Variants in EBF3 observed in about 807,000 individuals in gnomAD.
EBF3 encodes EBF transcription factor 3, also known as transcription factor COE3.
In EBF3, 18 loss-of-function variants were observed where a neutral mutation model predicts 77.1. The observed-to-expected ratio is 0.23, with a 90% CI of 0.16 to 0.35. The LOEUF (loss-of-function observed/expected upper bound fraction) is 0.35, where lower values mean the gene tolerates loss of function less well. Among genes scored for constraint, EBF3 ranks in the 10% least tolerant of loss-of-function variants. The probability of loss-of-function intolerance (pLI) is 1.00; values close to 1 mark genes in which losing one functional copy is unlikely to be tolerated. For synonymous variants in EBF3, 350 were observed against 343.5 expected, an observed-to-expected ratio of 1.02 and a Z score of -0.21; for missense variants, 558 against 860.0, an observed-to-expected ratio of 0.65 and a Z score of 4.39.
intron 7 of EBF3, among the ~76,000 whole-genome samples, chr10:129,876,900 C>A (rs74162519): frequency 0.17 from 16,593 of 99,228 alleles, 1,579 homozygotes; most frequent in African/African-American, 0.19. Context: ...CCCCCCCCCC[C>A]CACCCAGCTA....
chr10:129,938,929 A>C lies in EBF3; in HGVS notation c.554+18329T>G, dbSNP rs1327989580. Among the ~76,000 whole-genome samples the C allele has an allele frequency of 1.3e-5, 2 of 152,240 alleles. No homozygotes were observed. Among genetic ancestry groups the C allele is most frequent in the African/African-American group, 4.8e-5 (2 of 41,472 alleles). ...CCAGTTGGCATCTGATGACTCAATT[A>C]TCCCAACTCCATCCTTTAAACAGCT... is the stretch of plus-strand genomic sequence containing the variant. On this transcript the variant is annotated intron_variant, in intron 6 of 16. Transcript: ENST00000440978. This position sits in a 1 kb window ranked among gnomAD's most constrained non-coding sequence, Gnocchi z 5.1.
At position 129,841,042 on chromosome 10, in the gene EBF3, T is replaced by TCCG. The variant is rs71481016; in HGVS notation, c.1373-11_1373-10insCGG. 6.4e-5 allele frequency: 96 copies of TCCG among 1,510,192 alleles called. 2 individuals are homozygous for TCCG. Among genetic ancestry groups the TCCG allele is most frequent in the Admixed American group, 1.2e-4 (6 of 50,550 alleles). The allele number at this position is 1,510,192 out of a possible 1,614,324, so 93.5% of individuals were successfully genotyped here. A position where few individuals can be genotyped will look rare whatever the true frequency, so the allele number is the denominator to read the frequency against. On this transcript the variant is annotated splice_polypyrimidine_tract_variant and intron_variant, in intron 13 of 16. Transcript: ENST00000440978. The surrounding 1 kb of genome is among the most constrained non-coding windows in gnomAD (Gnocchi z 4.6). ...TTGCGACTGTAGCCGACTGTTGAAA[T>TCCG]CCCCCCCCCGGCCAAAAATAACATT...
rs139670080 is a variant in EBF3, at chr10:129,873,761, G to A, written c.637-165C>T. ...TTCACAGCTTTTTTGGCTAATGGGG[G>A]TGGGTGGGTTGTTTTGTTTGTTTTG... On this transcript the variant is annotated intron_variant, in intron 7 of 16. Coordinates refer to ENST00000440978, the MANE Select transcript of EBF3 (RefSeq NM_001375380.1). Among the ~76,000 whole-genome samples, 93 of 152,388 alleles carry A rather than the reference G, an allele frequency of 6.1e-4. 1 individual carries two copies. In the East Asian group the frequency reaches 0.015, roughly 24 times the overall value.
chr10:129,843,690 G>A (rs1163173534), intron 11 of EBF3, among the ~76,000 whole-genome samples: 6 of 152,122 alleles, frequency 3.9e-5, no homozygotes, highest in African/African-American at 9.7e-5. Flanking sequence ...CCTAATTCAC[G>A]CCCCAAATTT....
intron 6 of EBF3, among the ~76,000 whole-genome samples, chr10:129,878,466 C>T (rs1174110555): frequency 6.6e-6 from 1 of 151,798 alleles, no homozygotes; most frequent in Non-Finnish European, 1.5e-5. Flanking sequence ...GTCAGGAGTT[C>T]GAGACAAGCC....
chr10:129,933,295 A>G (rs1168000427), intron 6 of EBF3, among the ~76,000 whole-genome samples: 1 of 152,216 alleles, frequency 6.6e-6, no homozygotes. Context: ...GCTTTGAATA[A>G]TAACTGCTGC....
intron 7 of EBF3, 117 bp from the exon 8 acceptor site, chr10:129,873,713 T>C: frequency 8.9e-7 from 1 of 1,129,288 alleles, no homozygotes; most frequent in Non-Finnish European, 1.2e-6. Context: ...CACGTGTTCC[T>C]GGACACTGTT....
intron 7 of EBF3, 51 bp from the exon 8 acceptor site, chr10:129,873,647 C>A: frequency 1.4e-6 from 2 of 1,443,530 alleles, no homozygotes; most frequent in South Asian, 1.5e-5. Flanking sequence ...AAAAGCAGAG[C>A]CCCCTGTTAG....
chr10:129,942,620 G>A (rs561754983), intron 6 of EBF3, among the ~76,000 whole-genome samples: 5 of 152,260 alleles, frequency 3.3e-5, no homozygotes, highest in East Asian at 1.9e-4. Context: ...GGACTACCAC[G>A]TCCACACAGG....
In EBF3 at chr10:129,963,261, G is replaced by A. The variant is rs988424811; in HGVS notation, c.291+106C>T. ...CGTGGCGGCGGCGGGGTGGCCTGGCGGAGCCGAGCCCGCCGCCTAGGGGGG... is the reference window on the plus strand; with the variant it reads ...CGTGGCGGCGGCGGGGTGGCCTGGCAGAGCCGAGCCCGCCGCCTAGGGGGG... On this transcript the variant is annotated intron_variant, in intron 2 of 16. Transcript: ENST00000440978. The surrounding 1 kb of genome is among the most constrained non-coding windows in gnomAD (Gnocchi z 7.1). The A allele has an allele frequency of 3.4e-6, 5 of 1,464,014 alleles. No individual in the cohort carries two copies. The highest frequency in any genetic ancestry group is 5.5e-5 in the Admixed American group (2 of 36,060). The allele number at this position is 1,464,014 out of a possible 1,614,324, so 90.7% of individuals were successfully genotyped here.
intron 11 of EBF3, among the ~76,000 whole-genome samples, chr10:129,846,758 G>A (rs111998570): frequency 2.6e-5 from 4 of 152,128 alleles, no homozygotes; most frequent in Non-Finnish European, 4.4e-5. Flanking sequence ...ATTTCATCTC[G>A]TTCAGTGATC....
intron 6 of EBF3, among the ~76,000 whole-genome samples, chr10:129,955,507 C>A (rs1385370191): frequency 6.6e-6 from 1 of 152,172 alleles, no homozygotes; most frequent in South Asian, 2.1e-4. Flanking sequence ...AATCTTAGCA[C>A]ATATTTTAAT....
At chr10:129,840,204 A>C in intron 15 of EBF3, 41 bp downstream of exon 15, 7 of 775,660 alleles carry the variant, frequency 9.0e-6, no homozygotes, top group Non-Finnish European at 1.0e-5. Context: ...CCACCCCTGG[A>C]GAGGACCCAG....
intron 7 of EBF3, 88 bp from the exon 8 acceptor site, chr10:129,873,684 G>A: frequency 7.6e-7 from 1 of 1,317,988 alleles, no homozygotes; most frequent in Non-Finnish European, 9.9e-7. Flanking sequence ...CTTAAATACT[G>A]CAGAGCACAA....
At chr10:129,883,214 T>G (rs1280822032) in intron 6 of EBF3, among the ~76,000 whole-genome samples, 2 of 152,162 alleles carry the variant, frequency 1.3e-5, no homozygotes, top group Non-Finnish European at 2.9e-5. Context: ...TGACACTGAC[T>G]GGCCCCCTGA....
chr10:129,888,657 T>A (rs1418332302), intron 6 of EBF3, among the ~76,000 whole-genome samples: 1 of 152,204 alleles, frequency 6.6e-6, no homozygotes, highest in Non-Finnish European at 1.5e-5. Flanking sequence ...CTGAGAAGGT[T>A]TTCTTTAAAT....
Position 129,837,915 on chromosome 10 carries a change from T to TAA in EBF3, c.*26_*27dup. 1 of 1,614,162 alleles carries TAA rather than the reference T, an allele frequency of 6.2e-7. No individual in the cohort carries two copies. Among genetic ancestry groups the TAA allele is most frequent in the Non-Finnish European group, 8.5e-7 (1 of 1,180,018 alleles). ...CTTTGATGCTGGGTGCTGCGGAAGG[T>TAA]AAACAGAAGTCCCTCACATTGGCGG... On this transcript the variant is annotated 3_prime_UTR_variant, in exon 17 of 17. Coordinates refer to ENST00000440978, the MANE Select transcript of EBF3 (RefSeq NM_001375380.1).
At chr10:129,855,647 G>A (rs926472071) in intron 10 of EBF3, among the ~76,000 whole-genome samples, 3 of 152,082 alleles carry the variant, frequency 2.0e-5, no homozygotes, top group Non-Finnish European at 2.9e-5. Flanking sequence ...CTGTTCTAAC[G>A]TTTTAACCTA....
chr10:129,928,462 C>CTT (rs1470143533), intron 6 of EBF3, among the ~76,000 whole-genome samples: 1 of 152,172 alleles, frequency 6.6e-6, no homozygotes, highest in Non-Finnish European at 1.5e-5. Flanking sequence ...ACTAATCCGC[C>CTT]TTCTCCAGGA....
Sources: gnomAD v4.1 joint callset for allele counts (sites outside exome capture counted in the v4.1 genomes callset) on GRCh38, gnomAD v4.1.1 for gene constraint, Gnocchi (gnomAD v3.1) non-coding constraint, MANE v1.5 for transcripts, NCBI Gene and HGNC (gene_info 2026-07-23, HGNC 2026-07-21) for gene names.